LYN: variants seen among roughly 807,000 people sequenced by gnomAD.
LYN encodes the protein LYN proto-oncogene, Src family tyrosine kinase.
LYN carries 12 observed loss-of-function variants against 65.0 expected under a neutral mutation model. The observed-to-expected ratio is 0.18, with a 90% CI of 0.12 to 0.30. The LOEUF is 0.30. LYN is among the 10% of genes least tolerant of loss of function. The probability of loss-of-function intolerance (pLI) is 1.00; values close to 1 mark genes in which losing one functional copy is unlikely to be tolerated. For synonymous variants in LYN, 222 were observed against 221.2 expected (o/e 1.00, Z -0.03); for missense variants, 380 against 623.2 (o/e 0.61, Z 4.16).
At chr8:55,882,852 G>A (rs903959888) in intron 1 of LYN, among the ~76,000 whole-genome samples, 66 of 152,142 alleles carry the variant, frequency 4.3e-4, no homozygotes, top group African/African-American at 1.4e-3. Flanking sequence ...GGAGTAGTAG[G>A]TATGTTTTTT....
intron 10 of LYN, among the ~76,000 whole-genome samples, chr8:55,974,708 G>A (rs1807705144): frequency 6.6e-6 from 1 of 152,148 alleles, no homozygotes; most frequent in East Asian, 1.9e-4. Flanking sequence ...TCTTTGTCTG[G>A]AACGTAAGAG....
intron 10 of LYN, among the ~76,000 whole-genome samples, chr8:55,981,125 G>A (rs1474731296): frequency 6.6e-6 from 1 of 152,098 alleles, no homozygotes; most frequent in East Asian, 1.9e-4. Context: ...CCCTATCCCA[G>A]TGCCTCTCCA....
chr8:56,003,472 C>T (rs1487399335), intron 12 of LYN, among the ~76,000 whole-genome samples: 1 of 152,086 alleles, frequency 6.6e-6, no homozygotes, highest in African/African-American at 2.4e-5. Context: ...CGAGACCAGC[C>T]TGGACAACAT....
chr8:55,971,101 A>G (rs938700645), intron 10 of LYN, among the ~76,000 whole-genome samples: 1 of 152,178 alleles, frequency 6.6e-6, no homozygotes, highest in Non-Finnish European at 1.5e-5. Context: ...GGCAAGCCTA[A>G]CAGGTTCCTC....
intron 1 of LYN, among the ~76,000 whole-genome samples, chr8:55,883,392 A>T (rs1452437376): frequency 1.3e-5 from 2 of 152,236 alleles, no homozygotes; most frequent in South Asian, 2.1e-4. Context: ...CAGATGCACC[A>T]TCAAGCTGGG....
chr8:55,942,276 T>TAC lies in LYN; in HGVS notation c.132+293_132+294dup, dbSNP rs560481892. On this transcript the variant is annotated intron_variant, in intron 2 of 12. Coordinates refer to ENST00000519728, the MANE Select transcript of LYN (RefSeq NM_002350.4). ...GTGCAAAGACCCCACTATATATATA[T>TAC]ACACACACATATATATGTGTGTGTG... Among the ~76,000 whole-genome samples the TAC allele has an allele frequency of 1.8e-3, 273 of 149,940 alleles. 2 individuals are homozygous for TAC. Among genetic ancestry groups the TAC allele is most frequent in the African/African-American group, 5.6e-3 (229 of 40,926 alleles).
At chr8:55,901,310 T>A (rs2130382048) in intron 1 of LYN, among the ~76,000 whole-genome samples, 1 of 152,352 alleles carries the variant, frequency 6.6e-6, no homozygotes, top group Middle Eastern at 3.4e-3. Context: ...CTTTCATTAC[T>A]GAGGCTGTCA....
chr8:56,002,595 T>C (rs1808547290), intron 12 of LYN, among the ~76,000 whole-genome samples: 1 of 144,672 alleles, frequency 6.9e-6, no homozygotes, highest in Admixed American at 6.7e-5. Context: ...GGAAGGAGAC[T>C]CCATCTCAAA....
chr8:55,989,981 G>A (rs187312129), intron 10 of LYN, among the ~76,000 whole-genome samples: 127 of 152,234 alleles, frequency 8.3e-4, no homozygotes, highest in African/African-American at 2.9e-3. Flanking sequence ...ACTCATGCCT[G>A]TAATCCCAGT....
At chr8:55,927,949 C>G (rs1228011702) in intron 1 of LYN, among the ~76,000 whole-genome samples, 1 of 152,116 alleles carries the variant, frequency 6.6e-6, no homozygotes, top group African/African-American at 2.4e-5. Flanking sequence ...GTTGTTGGGT[C>G]ATATGGTAAG....
rs554482127 is a variant in LYN at position 55,887,291 on chromosome 8, A to G, written c.-6+7188A>G. Among the ~76,000 whole-genome samples the G allele has an allele frequency of 3.0e-3, 456 of 152,338 alleles. 2 individuals are homozygous for G. The highest frequency in any genetic ancestry group is 0.01 in the Middle Eastern group (3 of 294). Reference sequence around the variant, plus strand: ...GCAATTTGTCTCAAACAAACAAACAATAGCAAAAGAGCTGAACACAAACTA... The same window carrying G: ...GCAATTTGTCTCAAACAAACAAACAGTAGCAAAAGAGCTGAACACAAACTA... On this transcript the variant is annotated intron_variant, in intron 1 of 12. Coordinates refer to ENST00000519728, the MANE Select transcript of LYN (RefSeq NM_002350.4).
At chr8:55,942,700 G>A (rs111903948) in intron 2 of LYN, among the ~76,000 whole-genome samples, 38 of 150,306 alleles carry the variant, frequency 2.5e-4, no homozygotes, top group African/African-American at 8.6e-4. Flanking sequence ...CAGGAGAATC[G>A]CTTGAACCTG....
chr8:55,996,253 G>A (rs1285000558), intron 10 of LYN, among the ~76,000 whole-genome samples: 2 of 152,190 alleles, frequency 1.3e-5, no homozygotes, highest in Non-Finnish European at 2.9e-5. Context: ...GGCCCACGGG[G>A]CAGAAGGTGA....
intron 1 of LYN, among the ~76,000 whole-genome samples, chr8:55,880,363 A>T (rs1804617721): frequency 6.6e-6 from 1 of 150,992 alleles, no homozygotes; most frequent in Non-Finnish European, 1.5e-5. Context: ...TCCGCCGCGG[A>T]GCCGCGCAGG....
rs1807471757 is a variant in LYN at position 55,966,781 on chromosome 8, C to A, written c.857C>A (p.Ala286Asp). 6.2e-7 allele frequency: 1 copy of A among 1,614,074 alleles called. No homozygotes were observed. Among genetic ancestry groups the A allele is most frequent in the Non-Finnish European group, 8.5e-7 (1 of 1,179,978 alleles). ...TLKPGTMSVQ[A>D]FLEEANLMKT... ...AAGCCAGGAACTATGTCTGTGCAAGCCTTCCTGGAAGAAGCCAACCTCATG... is the reference window on the plus strand; with the variant it reads ...AAGCCAGGAACTATGTCTGTGCAAGACTTCCTGGAAGAAGCCAACCTCATG... Residue 286 changes from alanine (A) to aspartate (D), a missense_variant, in exon 9 of 13, where the codon GCC becomes GAC. Physicochemically the swap from Ala to Asp is moderately radical, Grantham distance 126. Transcript: ENST00000519728.
chr8:55,932,253 A>T (rs938881513), intron 1 of LYN, among the ~76,000 whole-genome samples: 2 of 152,208 alleles, frequency 1.3e-5, no homozygotes, highest in African/African-American at 4.8e-5. Flanking sequence ...TAAAGCAAGA[A>T]GTGAATTAGG....
chr8:56,010,220 C>G lies in LYN; in HGVS notation c.*110C>G, dbSNP rs944092652. ...TCATGTGCGGGGATCATCTGCCGTG[C>G]CTGGATCCTGAAATAGAGGCTAAAT... On this transcript the variant is annotated 3_prime_UTR_variant, in exon 13 of 13. Transcript: ENST00000519728. The G allele has an allele frequency of 1.4e-5, 15 of 1,103,960 alleles. No homozygotes were observed. Among genetic ancestry groups the G allele is most frequent in the Non-Finnish European group, 2.0e-5 (15 of 752,440 alleles). 68.4% of individuals were successfully genotyped at this position (1,103,960 alleles called of 1,614,324 possible).
intron 1 of LYN, among the ~76,000 whole-genome samples, chr8:55,916,546 A>C (rs190419346): frequency 6.6e-6 from 1 of 152,326 alleles, no homozygotes; most frequent in East Asian, 1.9e-4. Context: ...GCTACACTGC[A>C]ACAACTGTTT....
chr8:55,883,914 C>T (rs2130346012), intron 1 of LYN, among the ~76,000 whole-genome samples: 1 of 152,152 alleles, frequency 6.6e-6, no homozygotes, highest in East Asian at 1.9e-4. Flanking sequence ...TGTCTGGTTT[C>T]CTGATACTTA....
Sources: gnomAD v4.1 joint callset for allele counts (sites outside exome capture counted in the v4.1 genomes callset) on GRCh38, gnomAD v4.1.1 for gene constraint, MANE v1.5 for transcripts, NCBI Gene and HGNC (gene_info 2026-07-23, HGNC 2026-07-21) for gene names.